Variants in AGBL1 observed in about 807,000 individuals in gnomAD.
AGBL1 encodes the protein AGBL carboxypeptidase 1, also known as cytosolic carboxypeptidase 4.
In AGBL1, 130 loss-of-function variants were observed where a neutral mutation model predicts 118.9. The observed-to-expected ratio is 1.09, with a 90% CI of 0.95 to 1.26. AGBL1 has a LOEUF of 1.26. Ranked by LOEUF, AGBL1 falls within the 50% of genes most tolerant of loss-of-function variation. The pLI, the probability that AGBL1 is intolerant of heterozygous loss-of-function variation, is 0.00. For missense variants in AGBL1, 1,584 were observed against 1,298.1 expected, an observed-to-expected ratio of 1.22 and a Z score of -3.38; for synonymous variants, 555 against 478.9, an observed-to-expected ratio of 1.16 and a Z score of -2.08.
At chr15:86,731,747 G>A (rs111401496) in intron 22 of AGBL1, among the ~76,000 whole-genome samples, 1 of 152,208 alleles carries the variant, frequency 6.6e-6, no homozygotes, top group Non-Finnish European at 1.5e-5. Context: ...TAAGATAACA[G>A]AGTAGCTTGC....
chr15:86,877,799 T>G (rs184447653), intron 22 of AGBL1, among the ~76,000 whole-genome samples: 2 of 152,206 alleles, frequency 1.3e-5, no homozygotes, highest in East Asian at 3.9e-4. Context: ...TTAAATTGCA[T>G]TTTTTTCCAA....
intron 22 of AGBL1, among the ~76,000 whole-genome samples, chr15:86,786,108 AT>A (rs1173492715): frequency 6.6e-6 from 1 of 151,904 alleles, no homozygotes; most frequent in African/African-American, 2.4e-5. Flanking sequence ...GGATTATTTT[AT>A]TTTATTATTA....
intron 22 of AGBL1, among the ~76,000 whole-genome samples, chr15:86,695,894 T>C (rs1206803423): frequency 6.6e-6 from 1 of 152,060 alleles, no homozygotes; most frequent in Non-Finnish European, 1.5e-5. Flanking sequence ...TTCATGTATT[T>C]GCATGGTTAT....
At chr15:86,596,679 C>T (rs369555350) in intron 21 of AGBL1, among the ~76,000 whole-genome samples, 25 of 152,166 alleles carry the variant, frequency 1.6e-4, no homozygotes, top group African/African-American at 3.9e-4. Context: ...TGTAGCCTAC[C>T]GTGACTGTCT....
At chr15:86,777,780 C>A (rs1231449492) in intron 22 of AGBL1, among the ~76,000 whole-genome samples, 2 of 151,840 alleles carry the variant, frequency 1.3e-5, no homozygotes, top group Non-Finnish European at 2.9e-5. Context: ...CTGTTTTTTT[C>A]TTTTAATTTT....
chr15:86,218,449 C>A (rs917570445), intron 5 of AGBL1, among the ~76,000 whole-genome samples: 10 of 152,256 alleles, frequency 6.6e-5, no homozygotes, highest in Admixed American at 5.9e-4. Context: ...TCTCAGGTGG[C>A]CCCCTGCCAT....
At chr15:86,632,274 T>TTAAAAA (rs2084984289) in intron 21 of AGBL1, among the ~76,000 whole-genome samples, 1 of 125,280 alleles carries the variant, frequency 8.0e-6, no homozygotes, top group African/African-American at 3.1e-5. Flanking sequence ...TCTTTCTCTT[T>TTAAAAA]AAAAAAAAAA....
intron 22 of AGBL1, among the ~76,000 whole-genome samples, chr15:86,753,397 CTTTTTT>C (rs1555446759): frequency 3.6e-5 from 4 of 111,298 alleles, no homozygotes; most frequent in African/African-American, 6.6e-5. Context: ...TTTTCTTTTT[CTTTTTT>C]TTTTTTTTTT....
intron 21 of AGBL1, among the ~76,000 whole-genome samples, chr15:86,603,163 T>C (rs2084522648): frequency 6.6e-6 from 1 of 152,168 alleles, no homozygotes; most frequent in African/African-American, 2.4e-5. Context: ...CAAGATTTCT[T>C]ACCCCTCAAC....
rs184480921 is a variant in AGBL1 at position 86,596,487 on chromosome 15, T to C, written c.2994+41950T>C. 1.5e-3 allele frequency among the ~76,000 whole-genome samples: 224 copies of C among 152,318 alleles called. 1 individual carries two copies. The South Asian group carries it at 0.019, about 13-fold the overall frequency. On this transcript the variant is annotated intron_variant, in intron 21 of 22. Coordinates refer to ENST00000614907, the MANE Select transcript of AGBL1 (RefSeq NM_001386094.1). ...TTTCAGCAGTCCTTCAGAGGGCCCTTGGGCCCCACACCTAAGCGATCTTCT... is the reference window on the plus strand; with the variant it reads ...TTTCAGCAGTCCTTCAGAGGGCCCTCGGGCCCCACACCTAAGCGATCTTCT...
intron 22 of AGBL1, among the ~76,000 whole-genome samples, chr15:86,779,025 G>A (rs939953937): frequency 6.6e-6 from 1 of 152,122 alleles, no homozygotes; most frequent in Non-Finnish European, 1.5e-5. Flanking sequence ...TCCCTTCCAG[G>A]TTCCTGACTT....
At chr15:86,496,778 T>G (rs2082860458) in intron 18 of AGBL1, among the ~76,000 whole-genome samples, 2 of 151,994 alleles carry the variant, frequency 1.3e-5, no homozygotes, top group African/African-American at 4.8e-5. Flanking sequence ...CAGAAATGAA[T>G]GATCACAAAA....
chr15:86,744,232 G>A lies in AGBL1; in HGVS notation c.3158+69796G>A, dbSNP rs368979760. Among the ~76,000 whole-genome samples the A allele has an allele frequency of 4.6e-5, 7 of 152,246 alleles. No homozygotes were observed. The East Asian group carries it at 1.2e-3, about 25-fold the overall frequency. Reference sequence around the variant, plus strand: ...GGAATAATTAGCTTTGGAAATAAAAGTGGAAATGGAAACTAAGGATGCTAG... The same window carrying A: ...GGAATAATTAGCTTTGGAAATAAAAATGGAAATGGAAACTAAGGATGCTAG... On this transcript the variant is annotated intron_variant, in intron 22 of 22. Coordinates refer to ENST00000614907, the MANE Select transcript of AGBL1 (RefSeq NM_001386094.1).
chr15:86,668,673 T>C (rs945208264), intron 21 of AGBL1, among the ~76,000 whole-genome samples: 1 of 152,172 alleles, frequency 6.6e-6, no homozygotes, highest in African/African-American at 2.4e-5. Context: ...TTGGGGCAGA[T>C]ACTAAACCCT....
rs145653262 is a variant in AGBL1 at position 86,643,388 on chromosome 15, A to T, written c.2995-30885A>T. Among the ~76,000 whole-genome samples, 117 of 152,200 alleles carry T rather than the reference A, an allele frequency of 7.7e-4. 1 individual carries two copies. Among genetic ancestry groups the T allele is most frequent in the Middle Eastern group, 3.4e-3 (1 of 294 alleles). ...AATGTTTGCCAACATTCTACTTGCA[A>T]TTCTCCTATTTTTAATCTCCTATAT... On this transcript the variant is annotated intron_variant, in intron 21 of 22. Coordinates refer to ENST00000614907, the MANE Select transcript of AGBL1 (RefSeq NM_001386094.1).
Position 86,915,464 on chromosome 15 carries a change from C to T in AGBL1, c.*8170C>T, listed in dbSNP as rs2080407958. ...AATTCTCAGAAAGCACCTTACTCTT[C>T]TGTTCCCTCTTCTTCCATCCATGTG... On this transcript the variant is annotated 3_prime_UTR_variant, in exon 23 of 23. Transcript: ENST00000614907. 2 of 152,182 alleles carry T rather than the reference C, an allele frequency of 1.3e-5. No homozygotes were observed. The highest frequency in any genetic ancestry group is 2.9e-5 in the Non-Finnish European group (2 of 68,076). The allele number at this position is 152,182 out of a possible 1,614,324, so 9.4% of individuals were successfully genotyped here.
chr15:86,633,172 ATACT>A (rs575747279), intron 21 of AGBL1, among the ~76,000 whole-genome samples: 2 of 152,232 alleles, frequency 1.3e-5, no homozygotes, highest in Non-Finnish European at 2.9e-5. Flanking sequence ...CTACCATTTA[ATACT>A]TACAAAAAAG....
chr15:86,427,025 G>A (rs904992578), intron 18 of AGBL1, among the ~76,000 whole-genome samples: 44 of 152,138 alleles, frequency 2.9e-4, no homozygotes, highest in Admixed American at 1.8e-3. Context: ...CTCGGCCTCC[G>A]AAAGTGCTGA....
At chr15:86,979,762 C>A (rs1303900543) in intron 23 of AGBL1, among the ~76,000 whole-genome samples, 1 of 152,108 alleles carries the variant, frequency 6.6e-6, no homozygotes, top group Non-Finnish European at 1.5e-5. Context: ...CTTGGCCTTC[C>A]GAAGTGCTGG....
Sources: allele counts gnomAD v4.1 joint callset (sites outside exome capture counted in the v4.1 genomes callset), GRCh38; gene constraint gnomAD v4.1.1; transcripts MANE v1.5; gene names NCBI Gene and HGNC (gene_info 2026-07-23, HGNC 2026-07-21).